SLC24A2: variants seen among roughly 807,000 people sequenced by gnomAD.
SLC24A2 encodes sodium/potassium/calcium exchanger 2.
In SLC24A2, 36 loss-of-function variants were observed where a neutral mutation model predicts 62.0. The ratio of observed to expected loss-of-function variants is 0.58; its 90% CI spans 0.44 to 0.77. SLC24A2 has a LOEUF of 0.77. Among genes scored for constraint, SLC24A2 ranks in the 30% least tolerant of loss-of-function variants. The pLI, the probability that SLC24A2 is intolerant of heterozygous loss-of-function variation, is 0.00. For missense variants in SLC24A2, 846 were observed against 817.9 expected, an observed-to-expected ratio of 1.03 and a Z score of -0.42; for synonymous variants, 358 against 294.0, an observed-to-expected ratio of 1.22 and a Z score of -2.23.
chr9:20,084,832 GA>G, the SLC24A2 span, among the ~76,000 whole-genome samples: 1 of 151,806 alleles, frequency 6.6e-6, no homozygotes, highest in Non-Finnish European at 1.5e-5. Context: ...TTTTGAAAAA[GA>G]AAAAAAATTC....
At chr9:19,897,379 T>C in the SLC24A2 span, among the ~76,000 whole-genome samples, 1 of 152,180 alleles carries the variant, frequency 6.6e-6, no homozygotes, top group East Asian at 1.9e-4. Flanking sequence ...CTATGAAAGT[T>C]TACTTTTCTT....
chr9:19,770,706 G>A (rs1437123552), intron 2 of SLC24A2, among the ~76,000 whole-genome samples: 1 of 152,152 alleles, frequency 6.6e-6, no homozygotes, highest in Non-Finnish European at 1.5e-5. Flanking sequence ...AAAATATTTT[G>A]AGATAGGTTT....
chr9:20,009,461 G>C, the SLC24A2 span, among the ~76,000 whole-genome samples: 1 of 151,232 alleles, frequency 6.6e-6, no homozygotes. Flanking sequence ...TAGTTGCTCT[G>C]AACTTTGGCC....
At chr9:20,114,943 CA>C in the SLC24A2 span, among the ~76,000 whole-genome samples, 1 of 152,060 alleles carries the variant, frequency 6.6e-6, no homozygotes, top group African/African-American at 2.4e-5. Context: ...TATTAAAATG[CA>C]AGTGCACAGA....
the SLC24A2 span, among the ~76,000 whole-genome samples, chr9:20,259,328 A>T: frequency 5.3e-5 from 8 of 152,222 alleles, no homozygotes; most frequent in Non-Finnish European, 1.2e-4. Context: ...GCAATAGAAA[A>T]TTAATGCACA....
Position 19,786,366 on chromosome 9 carries a change from T to A in SLC24A2, c.501A>T (p.Lys167Asn). The change falls in exon 2 of 11, where the codon AAA becomes AAT. Residue 167 changes from lysine (K) to asparagine (N), a missense_variant. Coordinates refer to ENST00000341998, the MANE Select transcript of SLC24A2 (RefSeq NM_020344.4). This position sits in a 1 kb window ranked among gnomAD's most constrained non-coding sequence, Gnocchi z 5.0. ...FVPSLTVITE[K>N]LGISDDVAGA... ...CAGCCACATCATCAGAGATGCCCAGTTTTTCAGTGATGACAGTCAAAGAAG... is the reference window on the plus strand; with the variant it reads ...CAGCCACATCATCAGAGATGCCCAGATTTTCAGTGATGACAGTCAAAGAAG... 1 of 1,614,146 alleles carries A rather than the reference T, an allele frequency of 6.2e-7. No individual in the cohort carries two copies. The highest frequency in any genetic ancestry group is 1.1e-5 in the South Asian group (1 of 91,086).
chr9:19,859,095 C>T, the SLC24A2 span, among the ~76,000 whole-genome samples: 3 of 152,204 alleles, frequency 2.0e-5, no homozygotes, highest in East Asian at 5.8e-4. Flanking sequence ...AGAAATCAAC[C>T]TAGATGCCCA....
chr9:19,795,742 A>G, the SLC24A2 span, among the ~76,000 whole-genome samples: 1 of 152,020 alleles, frequency 6.6e-6, no homozygotes, highest in Non-Finnish European at 1.5e-5. Context: ...CCATCTCACC[A>G]TATTCCCTCT....
intron 2 of SLC24A2, among the ~76,000 whole-genome samples, chr9:19,708,945 A>C (rs879860894): frequency 2.6e-5 from 4 of 152,174 alleles, no homozygotes; most frequent in Admixed American, 2.0e-4. Flanking sequence ...ACAGCAAAAG[A>C]AACTACCATC....
the SLC24A2 span, among the ~76,000 whole-genome samples, chr9:20,255,057 C>T: frequency 6.6e-6 from 1 of 152,150 alleles, no homozygotes; most frequent in African/African-American, 2.4e-5. Context: ...TATTACAATT[C>T]AAGGTGAGAT....
chr9:19,971,556 A>G, the SLC24A2 span, among the ~76,000 whole-genome samples: 1 of 152,160 alleles, frequency 6.6e-6, no homozygotes, highest in Non-Finnish European at 1.5e-5. Flanking sequence ...ACTCAGGGAA[A>G]AGCAGTGTCT....
the SLC24A2 span, among the ~76,000 whole-genome samples, chr9:20,270,982 C>A: frequency 6.6e-6 from 1 of 152,042 alleles, no homozygotes; most frequent in Non-Finnish European, 1.5e-5. Context: ...TTAAAAGGAC[C>A]ATTTTCTTCT....
chr9:20,168,513 G>A, the SLC24A2 span, among the ~76,000 whole-genome samples: 1 of 151,666 alleles, frequency 6.6e-6, no homozygotes, highest in Non-Finnish European at 1.5e-5. Context: ...CAACAAAAAA[G>A]GAAGTAATCC....
chr9:19,792,012 A>C (rs1216462789), upstream of SLC24A2, among the ~76,000 whole-genome samples: 1 of 152,234 alleles, frequency 6.6e-6, no homozygotes, highest in South Asian at 2.1e-4. Flanking sequence ...TTCAAAAATC[A>C]GTAATGAATT....
rs180875967 is a variant in SLC24A2 at position 19,551,853 on chromosome 9, C to T, written c.1348-1585G>A. On this transcript the variant is annotated intron_variant, in intron 7 of 10. Coordinates refer to ENST00000341998, the MANE Select transcript of SLC24A2 (RefSeq NM_020344.4). ...AAGTATGTATAGTGTTTTATACAAT[C>T]TCTTCAACTCTCCCTAGGAGTTACA... 5.5e-4 allele frequency among the ~76,000 whole-genome samples: 83 copies of T among 152,228 alleles called. 1 individual carries two copies. In the East Asian group the frequency reaches 0.014, roughly 26 times the overall value.
intron 2 of SLC24A2, among the ~76,000 whole-genome samples, chr9:19,783,865 A>G (rs1823084937): frequency 6.6e-6 from 1 of 152,240 alleles, no homozygotes; most frequent in Non-Finnish European, 1.5e-5. Flanking sequence ...TGTCAAAAGA[A>G]ACATTAATGA....
chr9:19,709,831 C>T (rs1022049914), intron 2 of SLC24A2, among the ~76,000 whole-genome samples: 1 of 151,684 alleles, frequency 6.6e-6, no homozygotes, highest in African/African-American at 2.4e-5. Context: ...AGCACAACAA[C>T]ATGGCACATG....
chr9:20,021,095 A>G, the SLC24A2 span, among the ~76,000 whole-genome samples: 1 of 152,198 alleles, frequency 6.6e-6, no homozygotes, highest in African/African-American at 2.4e-5. Context: ...GTGTACACAC[A>G]TATCCAAATA....
At chr9:19,983,116 C>T in the SLC24A2 span, among the ~76,000 whole-genome samples, 1 of 152,160 alleles carries the variant, frequency 6.6e-6, no homozygotes, top group African/African-American at 2.4e-5. Flanking sequence ...AGGATGCTGA[C>T]TTTTACCATT....
Sources: gnomAD v4.1 joint callset for allele counts (sites outside exome capture counted in the v4.1 genomes callset) on GRCh38, gnomAD v4.1.1 for gene constraint, Gnocchi (gnomAD v3.1) non-coding constraint, MANE v1.5 for transcripts, NCBI Gene and HGNC (gene_info 2026-07-23, HGNC 2026-07-21) for gene names.